Variants in SPEN observed in about 807,000 individuals in gnomAD.
The protein encoded by SPEN is spen family transcriptional repressor.
In SPEN, 18 loss-of-function variants were observed where a neutral mutation model predicts 269.9. That is an observed-to-expected ratio of 0.07 (90% CI 0.05 to 0.10). The LOEUF is 0.10. SPEN is among the 10% of genes least tolerant of loss of function. SPEN has a pLI of 1.00. For synonymous variants in SPEN, 1,726 were observed against 1,765.7 expected (o/e 0.98, Z 0.56); for missense variants, 3,822 against 4,631.2 (o/e 0.83, Z 5.07).
At chr1:15,877,305 G>A (rs2070641486) in intron 3 of SPEN, among the ~76,000 whole-genome samples, 1 of 152,180 alleles carries the variant, frequency 6.6e-6, no homozygotes, top group South Asian at 2.1e-4. Flanking sequence ...GTCTCACTGT[G>A]TCACCAAGGC....
intron 1 of SPEN, among the ~76,000 whole-genome samples, chr1:15,869,350 C>G (rs1446715279): frequency 6.6e-6 from 1 of 151,906 alleles, no homozygotes; most frequent in Non-Finnish European, 1.5e-5. Flanking sequence ...GCCACCGTGC[C>G]CGGCCCTTTT....
intron 3 of SPEN, among the ~76,000 whole-genome samples, chr1:15,902,976 G>A (rs1341382619): frequency 2.0e-5 from 3 of 152,012 alleles, no homozygotes; most frequent in Non-Finnish European, 4.4e-5. Context: ...AAAAAAACCA[G>A]TATAGATGCA....
At chr1:15,861,842 C>A (rs2070452083) in intron 1 of SPEN, among the ~76,000 whole-genome samples, 1 of 152,056 alleles carries the variant, frequency 6.6e-6, no homozygotes, top group African/African-American at 2.4e-5. Flanking sequence ...GAGTTTGAGA[C>A]CAGCCTGGTC....
intron 5 of SPEN, among the ~76,000 whole-genome samples, chr1:15,914,706 C>T (rs1394136574): frequency 6.6e-6 from 1 of 152,052 alleles, no homozygotes; most frequent in African/African-American, 2.4e-5. Context: ...CACCTGTAAT[C>T]CCAGCCACTT....
chr1:15,901,161 T>C (rs2070895153), intron 3 of SPEN, among the ~76,000 whole-genome samples: 1 of 150,330 alleles, frequency 6.7e-6, no homozygotes, highest in Admixed American at 6.7e-5. Context: ...GAGGCCAGCC[T>C]GGGCAACATA....
intron 3 of SPEN, among the ~76,000 whole-genome samples, chr1:15,897,414 G>A (rs931653722): frequency 3.7e-4 from 56 of 151,278 alleles, no homozygotes; most frequent in African/African-American, 1.3e-3. Flanking sequence ...CCAGGGTGGA[G>A]TGCAGTGGCG....
At chr1:15,918,173 T>A (rs1557754725) in intron 6 of SPEN, among the ~76,000 whole-genome samples, 1 of 152,238 alleles carries the variant, frequency 6.6e-6, no homozygotes, top group Non-Finnish European at 1.5e-5. Context: ...GATCTTTTAA[T>A]TTTAAAGGTT....
At chr1:15,861,999 G>A (rs908984359) in intron 1 of SPEN, among the ~76,000 whole-genome samples, 7 of 152,128 alleles carry the variant, frequency 4.6e-5, no homozygotes, top group Non-Finnish European at 1.0e-4. Context: ...CTGAGATTGC[G>A]CCACTTTACT....
chr1:15,879,680 T>TG (rs1234012435), intron 3 of SPEN, among the ~76,000 whole-genome samples: 2 of 151,524 alleles, frequency 1.3e-5, no homozygotes, highest in Non-Finnish European at 2.9e-5. Flanking sequence ...GACAAATTTT[T>TG]TTTTTTTTGA....
intron 10 of SPEN, among the ~76,000 whole-genome samples, chr1:15,926,396 C>A (rs934947433): frequency 6.6e-6 from 1 of 151,128 alleles, no homozygotes; most frequent in South Asian, 2.1e-4. Flanking sequence ...CACACACACA[C>A]ACACACACAC....
intron 3 of SPEN, among the ~76,000 whole-genome samples, chr1:15,879,004 C>CAAAAAAAAAAAAAAAA (rs3048559): frequency 1.3e-5 from 1 of 76,564 alleles, no homozygotes; most frequent in Non-Finnish European, 2.5e-5. Flanking sequence ...GACTCTGTCT[C>CAAAAAAAAAAAAAAAA]AAAAAAAAAA....
intron 8 of SPEN, 124 bp from the exon 9 acceptor site, chr1:15,920,746 A>G (rs1278018629): frequency 2.6e-6 from 1 of 383,158 alleles, no homozygotes; most frequent in African/African-American, 2.1e-5. Flanking sequence ...TTTTTTTAAT[A>G]GAATAAAATA....
At chr1:15,903,829 A>AT (rs1405701769) in intron 3 of SPEN, among the ~76,000 whole-genome samples, 2 of 152,186 alleles carry the variant, frequency 1.3e-5, no homozygotes, top group African/African-American at 2.4e-5. Context: ...GATATTGAAC[A>AT]TGTAATATTG....
At position 15,931,201 on chromosome 1, in the gene SPEN, T is replaced by C. The variant is rs933171086; in HGVS notation, c.4961T>C (p.Leu1654Pro). The C allele has an allele frequency of 6.2e-7, 1 of 1,614,162 alleles. No individual in the cohort carries two copies. The highest frequency in any genetic ancestry group is 8.5e-7 in the Non-Finnish European group (1 of 1,180,026). ...VVTLESAPSA[L>P]EKTTGDKTVE... ...ACTCTAGAATCAGCCCCATCAGCAC[T>C]AGAGAAGACCACTGGTGACAAAACG... is the stretch of plus-strand genomic sequence containing the variant. The change falls in exon 11 of 15, where the codon CTA becomes CCA. Residue 1654 changes from leucine to proline, a missense_variant. Physicochemically the swap from Leu to Pro is moderately conservative, Grantham distance 98 (BLOSUM62 -3). Coordinates refer to ENST00000375759, the MANE Select transcript of SPEN (RefSeq NM_015001.3). This position sits in a 1 kb window ranked among gnomAD's most constrained non-coding sequence, Gnocchi z 4.8.
chr1:15,892,997 C>T (rs2070804425), intron 3 of SPEN, among the ~76,000 whole-genome samples: 1 of 152,062 alleles, frequency 6.6e-6, no homozygotes, highest in Admixed American at 6.6e-5. Flanking sequence ...AATCAGGAGG[C>T]TGAGGCAGGA....
At chr1:15,857,999 A>G (rs1364221536) in intron 1 of SPEN, among the ~76,000 whole-genome samples, 1 of 152,118 alleles carries the variant, frequency 6.6e-6, no homozygotes. Flanking sequence ...GTGGTGGCAC[A>G]TGCCTGTAAT....
At position 15,848,570 on chromosome 1, in the gene SPEN, C is replaced by A. The variant is rs1344535469; in HGVS notation, c.83+420C>A. Among the ~76,000 whole-genome samples, 1 of 152,068 alleles carries A rather than the reference C, an allele frequency of 6.6e-6. No homozygotes were observed. Among genetic ancestry groups the A allele is most frequent in the Non-Finnish European group, 1.5e-5 (1 of 67,984 alleles). On this transcript the variant is annotated intron_variant, in intron 1 of 14. Transcript: ENST00000375759. This position sits in a 1 kb window ranked among gnomAD's most constrained non-coding sequence, Gnocchi z 5.1. ...CGCCCGACAGCCGGGTCCGGCGCCGCCACTCCAAGCTGCTCTGCGGGCGCT... is the reference window on the plus strand; with the variant it reads ...CGCCCGACAGCCGGGTCCGGCGCCGACACTCCAAGCTGCTCTGCGGGCGCT...
In SPEN at chr1:15,933,669, G is replaced by C; in HGVS notation, c.7429G>C (p.Ala2477Pro). 1 of 1,614,110 alleles carries C rather than the reference G, an allele frequency of 6.2e-7. No individual in the cohort carries two copies. ...IPIPTLPSVT[A>P]AKLSPPVASG... Reference sequence around the variant, plus strand: ...CATACCCACACTGCCTTCTGTAACTGCAGCAAAGCTCTCACCTCCTGTCGC... The same window carrying C: ...CATACCCACACTGCCTTCTGTAACTCCAGCAAAGCTCTCACCTCCTGTCGC... Residue 2477 changes from alanine to proline, a missense_variant, in exon 11 of 15, where the codon GCA becomes CCA. This residue lies in a region of SPEN where 727 missense variants were observed against 737.9 expected (regional missense o/e 0.99). Transcript: ENST00000375759. This position sits in a 1 kb window ranked among gnomAD's most constrained non-coding sequence, Gnocchi z 5.7.
chr1:15,901,819 C>T (rs1339880489), intron 3 of SPEN, among the ~76,000 whole-genome samples: 2 of 151,548 alleles, frequency 1.3e-5, no homozygotes, highest in African/African-American at 4.8e-5. Flanking sequence ...TTATTGTGGA[C>T]AGTATCTATT....
Sources: gnomAD v4.1 joint callset for allele counts (sites outside exome capture counted in the v4.1 genomes callset) on GRCh38, gnomAD v4.1.1 for gene constraint, gnomAD v4.1.1 regional missense constraint, Gnocchi (gnomAD v3.1) non-coding constraint, MANE v1.5 for transcripts, NCBI Gene and HGNC (gene_info 2026-07-23, HGNC 2026-07-21) for gene names.